The following ATP11B variants were observed in gnomAD, a reference collection of about 807,000 sequenced individuals.
ATP11B encodes the protein phospholipid-transporting ATPase IF.
In ATP11B, 81 loss-of-function variants were observed where a neutral mutation model predicts 157.8. That is an observed-to-expected ratio of 0.51 (90% confidence interval 0.43 to 0.62). The LOEUF (loss-of-function observed/expected upper bound fraction) is 0.62, where lower values mean the gene tolerates loss of function less well. Ranked by LOEUF, ATP11B falls within the 20% of genes least tolerant of loss-of-function variation. ATP11B has a pLI of 0.00. For missense variants in ATP11B, 1,165 were observed against 1,402.2 expected, an observed-to-expected ratio of 0.83 and a Z score of 2.70; for synonymous variants, 451 against 469.4, an observed-to-expected ratio of 0.96 and a Z score of 0.51.
intron 25 of ATP11B, among the ~76,000 whole-genome samples, chr3:182,896,320 G>A (rs142945300): frequency 9.0e-4 from 137 of 152,238 alleles, no homozygotes; most frequent in Middle Eastern, 6.8e-3. Context: ...CTGCTGTAAC[G>A]TCTGGTTGGA....
At chr3:182,917,694 C>T in intron 29 of ATP11B, 1 of 985,240 alleles carries the variant, frequency 1.0e-6, no homozygotes, top group Non-Finnish European at 1.2e-6. Flanking sequence ...AAACAATGTG[C>T]ATAACTCTTA....
intron 28 of ATP11B, among the ~76,000 whole-genome samples, chr3:182,911,269 A>C: frequency 3.4e-5 from 2 of 59,110 alleles, no homozygotes; most frequent in Non-Finnish European, 5.1e-5. Context: ...TGCTATTGAA[A>C]TGCCCCCCCC....
intron 24 of ATP11B, 33 bp downstream of exon 24, chr3:182,887,746 A>C (rs566942194): frequency 3.8e-6 from 6 of 1,582,270 alleles, no homozygotes; most frequent in Non-Finnish European, 5.1e-6. Flanking sequence ...TGGCCTTATC[A>C]GTTTTTTTAA....
chr3:182,917,981 T>G (rs778400658), intron 29 of ATP11B, 42 bp from the exon 30 acceptor site: 2 of 1,603,778 alleles, frequency 1.2e-6, no homozygotes, highest in Non-Finnish European at 1.7e-6. Flanking sequence ...AATTAAAACA[T>G]AGGTCCTGGT....
At chr3:182,876,350 T>C (rs1223035788) in intron 19 of ATP11B, among the ~76,000 whole-genome samples, 2 of 152,166 alleles carry the variant, frequency 1.3e-5, no homozygotes, top group Admixed American at 6.5e-5. Context: ...GGCTATTTTC[T>C]TTAAGTCTTC....
At chr3:182,857,843 G>T (rs661774) in intron 10 of ATP11B, 35 bp from the exon 11 acceptor site, 985,246 of 1,327,234 alleles carry the variant, frequency 0.74, 369,224 homozygotes, top group Non-Finnish European at 0.77. Flanking sequence ...TAATACATGA[G>T]TTGTATGTTT....
At chr3:182,845,941 A>G (rs1165224391) in intron 9 of ATP11B, among the ~76,000 whole-genome samples, 1 of 152,234 alleles carries the variant, frequency 6.6e-6, no homozygotes, top group East Asian at 1.9e-4. Flanking sequence ...TGATATCTGA[A>G]TATATACTAG....
intron 25 of ATP11B, among the ~76,000 whole-genome samples, chr3:182,895,786 G>A (rs1455195019): frequency 2.0e-5 from 3 of 152,126 alleles, no homozygotes; most frequent in African/African-American, 4.8e-5. Context: ...AGTATGGCTC[G>A]CTGCCTGGCA....
intron 1 of ATP11B, among the ~76,000 whole-genome samples, chr3:182,794,991 G>C (rs1243312685): frequency 6.6e-6 from 1 of 151,190 alleles, no homozygotes; most frequent in African/African-American, 2.4e-5. Flanking sequence ...TGGTGTTTCA[G>C]AGCCAGCCTT....
At chr3:182,876,900 TTGA>T (rs1722081136) in intron 19 of ATP11B, among the ~76,000 whole-genome samples, 1 of 152,218 alleles carries the variant, frequency 6.6e-6, no homozygotes, top group Admixed American at 6.5e-5. Flanking sequence ...GAGGTATCTT[TTGA>T]TGGAATATAT....
Position 182,898,591 on chromosome 3 carries a change from T to C in ATP11B, c.3153-16T>C, listed in dbSNP as rs1577096815. On this transcript the variant is annotated splice_polypyrimidine_tract_variant and intron_variant, in intron 27 of 29. Transcript: ENST00000323116. Reference sequence around the variant, plus strand: ...TCAGTTTCCACTTTTATTAAGCACATTTTCTTTCTTTGCAGGCCATTTTTG... The same window carrying C: ...TCAGTTTCCACTTTTATTAAGCACACTTTCTTTCTTTGCAGGCCATTTTTG... The C allele has an allele frequency of 6.3e-7, 1 of 1,578,024 alleles. No homozygotes were observed. Among genetic ancestry groups the C allele is most frequent in the East Asian group, 2.3e-5 (1 of 43,412 alleles).
chr3:182,836,171 A>C, intron 5 of ATP11B, 29 bp downstream of exon 5: 1 of 1,592,746 alleles, frequency 6.3e-7, no homozygotes, highest in South Asian at 1.1e-5. Flanking sequence ...ATGGAAATCA[A>C]CTTTATCTTG....
chr3:182,838,787 A>ATT (rs1352475200), intron 7 of ATP11B, among the ~76,000 whole-genome samples: 2 of 144,226 alleles, frequency 1.4e-5, no homozygotes, highest in African/African-American at 5.3e-5. Flanking sequence ...GCTATATATT[A>ATT]TATATATATA....
chr3:182,864,090 A>G (rs995322296), intron 12 of ATP11B, among the ~76,000 whole-genome samples: 2 of 151,802 alleles, frequency 1.3e-5, no homozygotes, highest in South Asian at 2.1e-4. Flanking sequence ...ATTTAACCCT[A>G]CCTTTCTTTT....
intron 1 of ATP11B, 41 bp downstream of exon 1, chr3:182,793,827 G>A (rs777117398): frequency 3.2e-6 from 4 of 1,265,158 alleles, no homozygotes; most frequent in Admixed American, 7.5e-5. Flanking sequence ...GTCCGCCCCC[G>A]CGGGGCCTCT....
chr3:182,834,284 AAAC>A (rs1718373783), intron 4 of ATP11B, among the ~76,000 whole-genome samples: 1 of 152,208 alleles, frequency 6.6e-6, no homozygotes, highest in African/African-American at 2.4e-5. Flanking sequence ...TTCCATCTGA[AAAC>A]AGTATACCTT....
intron 9 of ATP11B, among the ~76,000 whole-genome samples, chr3:182,845,742 T>G (rs907554360): frequency 3.9e-5 from 6 of 152,252 alleles, no homozygotes; most frequent in African/African-American, 1.4e-4. Flanking sequence ...CTTGATCTTA[T>G]GTTATCTTTA....
intron 29 of ATP11B, chr3:182,915,129 C>A: frequency 1.0e-6 from 1 of 985,264 alleles, no homozygotes. Context: ...AGTATGATAT[C>A]ATTCATCTGT....
intron 1 of ATP11B, among the ~76,000 whole-genome samples, chr3:182,817,514 C>T (rs1350375558): frequency 1.3e-5 from 2 of 152,158 alleles, no homozygotes; most frequent in African/African-American, 2.4e-5. Context: ...CTCCTGACCT[C>T]GTGATCTGCC....
Sources: gnomAD v4.1 joint callset for allele counts (sites outside exome capture counted in the v4.1 genomes callset) on GRCh38, gnomAD v4.1.1 for gene constraint, MANE v1.5 for transcripts, NCBI Gene and HGNC (gene_info 2026-07-23, HGNC 2026-07-21) for gene names.